RBBP8: variants seen among roughly 807,000 people sequenced by gnomAD.
The protein encoded by RBBP8 is DNA endonuclease RBBP8.
Under a neutral mutation model 108.3 loss-of-function variants are expected in RBBP8, and 88 were observed. That is an observed-to-expected ratio of 0.81 (90% confidence interval 0.68 to 0.97). RBBP8 has a LOEUF of 0.97. RBBP8 is among the 50% of genes least tolerant of loss of function. The pLI is 0.00. For missense variants in RBBP8, 1,023 were observed against 1,049.0 expected (o/e 0.98, Z 0.34); for synonymous variants, 332 against 348.2 (o/e 0.95, Z 0.52).
intron 3 of RBBP8, among the ~76,000 whole-genome samples, chr18:22,947,644 T>G (rs1183104885): frequency 6.6e-6 from 1 of 152,108 alleles, no homozygotes; most frequent in Non-Finnish European, 1.5e-5. Flanking sequence ...AGTTAGTGAT[T>G]GGTGTAGTAA....
chr18:22,945,103 G>C (rs1024784152), intron 2 of RBBP8, among the ~76,000 whole-genome samples: 1 of 152,120 alleles, frequency 6.6e-6, no homozygotes, highest in Non-Finnish European at 1.5e-5. Context: ...TCGGAAATCA[G>C]TCAACTAGTA....
chr18:23,001,523 A>T (rs1197642462), intron 14 of RBBP8, 63 bp from the exon 15 acceptor site: 3 of 1,583,068 alleles, frequency 1.9e-6, no homozygotes, highest in Non-Finnish European at 2.6e-6. Flanking sequence ...CTACAGTTTC[A>T]TGATGGTCTA....
chr18:23,011,327 A>G (rs2046155865), intron 16 of RBBP8, among the ~76,000 whole-genome samples: 1 of 152,196 alleles, frequency 6.6e-6, no homozygotes. Flanking sequence ...TTTTCCAACA[A>G]CATGTGCTTA....
At chr18:22,972,330 G>A (rs1245064136) in intron 5 of RBBP8, among the ~76,000 whole-genome samples, 4 of 139,020 alleles carry the variant, frequency 2.9e-5, no homozygotes, top group Admixed American at 2.1e-4. Context: ...TTCCAGCCTC[G>A]GCGACAGAGC....
intron 15 of RBBP8, among the ~76,000 whole-genome samples, chr18:23,003,528 C>T (rs780303213): frequency 2.5e-4 from 38 of 152,166 alleles, no homozygotes; most frequent in Non-Finnish European, 5.0e-4. Context: ...CCTGCTCTCT[C>T]GTTACACATT....
chr18:22,980,965 CTTTTTTTTT>C (rs1167377654), intron 6 of RBBP8, among the ~76,000 whole-genome samples: 13,310 of 69,760 alleles, frequency 0.19, 1,178 homozygotes, highest in Middle Eastern at 0.38. Context: ...CCACTTATGT[CTTTTTTTTT>C]TTTTTTTTTT....
chr18:22,933,435 A>G lies in RBBP8; in HGVS notation c.-228A>G, dbSNP rs1910183766. ...GCTGTCCGGAGGGGTCGGCTTTCCCACCGAGGATTTGGCACTCTGGTGAGG... is the reference window on the plus strand; with the variant it reads ...GCTGTCCGGAGGGGTCGGCTTTCCCGCCGAGGATTTGGCACTCTGGTGAGG... On this transcript the variant is annotated 5_prime_UTR_variant, in exon 1 of 19. Transcript: ENST00000327155. 6.5e-6 allele frequency: 1 copy of G among 153,870 alleles called. No individual in the cohort carries two copies. The highest frequency in any genetic ancestry group is 2.4e-5 in the African/African-American group (1 of 41,384). The allele number at this position is 153,870 out of a possible 1,614,324, so 9.5% of individuals were successfully genotyped here.
At chr18:22,981,186 G>A (rs1914906417) in intron 6 of RBBP8, among the ~76,000 whole-genome samples, 1 of 151,234 alleles carries the variant, frequency 6.6e-6, no homozygotes, top group Admixed American at 6.6e-5. Context: ...TAGCCAGGAT[G>A]GTCTCGATCT....
In RBBP8 at chr18:22,993,609, G is replaced by A. The variant is rs138355903; in HGVS notation, c.1782G>A (p.Leu594=). Reference sequence around the variant, plus strand: ...TTCCTCTACGTCCACGTGAAAGTTTGGAGACTGAGAATGTTTTAGATGACA... The same window carrying A: ...TTCCTCTACGTCCACGTGAAAGTTTAGAGACTGAGAATGTTTTAGATGACA... ...FKIPLRPRES[L]ETENVLDDIK... Residue 594 remains leucine (L), a synonymous_variant, in exon 11 of 19, where the codon TTG becomes TTA. Coordinates refer to ENST00000327155, the MANE Select transcript of RBBP8 (RefSeq NM_002894.3). 109 of 1,614,222 alleles carry A rather than the reference G, an allele frequency of 6.8e-5. No homozygotes were observed. In the African/African-American group the frequency reaches 1.3e-3, roughly 19 times the overall value.
chr18:22,934,085 A>C (rs919039030), intron 1 of RBBP8: 1 of 152,340 alleles, frequency 6.6e-6, no homozygotes, highest in Non-Finnish European at 1.5e-5. Context: ...TTTGGTGAGC[A>C]CCTGCAGTGT....
intron 16 of RBBP8, among the ~76,000 whole-genome samples, chr18:23,006,761 C>T (rs1227094373): frequency 2.6e-5 from 4 of 152,118 alleles, no homozygotes; most frequent in Admixed American, 6.5e-5. Flanking sequence ...CTCGGCCTCT[C>T]AAAGTGCTGG....
intron 14 of RBBP8, among the ~76,000 whole-genome samples, chr18:22,999,963 T>C (rs1157321249): frequency 6.6e-6 from 1 of 152,230 alleles, no homozygotes; most frequent in Non-Finnish European, 1.5e-5. Context: ...TTGTATTTTA[T>C]TTACATATTT....
intron 3 of RBBP8, among the ~76,000 whole-genome samples, chr18:22,917,370 G>A (rs188493330): frequency 5.9e-5 from 9 of 152,284 alleles, no homozygotes; most frequent in South Asian, 2.1e-4. Flanking sequence ...TACAAATTAC[G>A]TTCCCCTTGG....
chr18:22,958,397 T>C (rs1220801926), intron 4 of RBBP8, among the ~76,000 whole-genome samples: 1 of 152,258 alleles, frequency 6.6e-6, no homozygotes, highest in Non-Finnish European at 1.5e-5. Context: ...TCAAATCAGC[T>C]CATAATTATG....
intron 16 of RBBP8, among the ~76,000 whole-genome samples, chr18:23,014,291 C>G (rs190742195): frequency 3.0e-4 from 45 of 152,216 alleles, no homozygotes; most frequent in East Asian, 5.8e-4. Flanking sequence ...GTTTGACTTT[C>G]AAGTTCTCTT....
intron 1 of RBBP8, among the ~76,000 whole-genome samples, chr18:22,935,355 T>C (rs1910464108): frequency 6.6e-6 from 1 of 150,484 alleles, no homozygotes; most frequent in South Asian, 2.1e-4. Context: ...AATATCTCGG[T>C]AAATATCCCT....
At chr18:22,943,941 G>C (rs776523198) in intron 2 of RBBP8, among the ~76,000 whole-genome samples, 1 of 152,108 alleles carries the variant, frequency 6.6e-6, no homozygotes, top group Non-Finnish European at 1.5e-5. Flanking sequence ...TTATGTATGA[G>C]TGTGTGTAAG....
chr18:22,999,832 C>G (rs2045917861), intron 14 of RBBP8, among the ~76,000 whole-genome samples: 1 of 152,146 alleles, frequency 6.6e-6, no homozygotes, highest in South Asian at 2.1e-4. Context: ...TACTCTCTGT[C>G]TTCAGGTATT....
At chr18:22,932,633 G>C (rs1227628084), upstream of RBBP8, among the ~76,000 whole-genome samples, 1 of 152,112 alleles carries the variant, frequency 6.6e-6, no homozygotes. Flanking sequence ...AAAGATATTT[G>C]ATTCTAGTCT....
Sources: gnomAD v4.1 joint callset for allele counts (sites outside exome capture counted in the v4.1 genomes callset) on GRCh38, gnomAD v4.1.1 for gene constraint, MANE v1.5 for transcripts, NCBI Gene and HGNC (gene_info 2026-07-23, HGNC 2026-07-21) for gene names.